The following FAT3 variants were observed in gnomAD, a reference collection of about 807,000 sequenced individuals.
FAT3 encodes FAT atypical cadherin 3.
Under a neutral mutation model 310.2 loss-of-function variants are expected in FAT3, and 95 were observed. The observed-to-expected ratio is 0.31, with a 90% CI of 0.26 to 0.36. The LOEUF (loss-of-function observed/expected upper bound fraction) is 0.36. FAT3 is among the 10% of genes least tolerant of loss of function. FAT3 has a pLI of 1.00. For missense variants in FAT3, 5,408 were observed against 5,715.6 expected (o/e 0.95, Z 1.74); for synonymous variants, 2,314 against 2,192.9 (o/e 1.06, Z -1.54).
chr11:92,805,064 G>C (rs1373521944), intron 10 of FAT3, 89 bp from the exon 11 acceptor site: 1 of 1,327,788 alleles, frequency 7.5e-7, no homozygotes, highest in African/African-American at 1.5e-5. Flanking sequence ...GGAGTACCTG[G>C]ATGACTCCAC....
intron 3 of FAT3, among the ~76,000 whole-genome samples, chr11:92,659,433 T>G (rs1172681277): frequency 6.6e-6 from 1 of 152,206 alleles, no homozygotes; most frequent in Non-Finnish European, 1.5e-5. Context: ...AAAATTACTT[T>G]TTTACTGCTT....
chr11:92,812,474 C>T (rs1356474779), intron 13 of FAT3, among the ~76,000 whole-genome samples: 5 of 151,614 alleles, frequency 3.3e-5, no homozygotes, highest in South Asian at 2.1e-4. Flanking sequence ...CCCAGCTACT[C>T]GGGAAGCTGA....
intron 2 of FAT3, among the ~76,000 whole-genome samples, chr11:92,456,387 A>G (rs1192240860): frequency 2.0e-5 from 3 of 152,208 alleles, no homozygotes; most frequent in Non-Finnish European, 2.9e-5. Flanking sequence ...CATGTATAAC[A>G]TGTAGTCAAA....
chr11:92,704,813 C>G (rs1278913295), intron 4 of FAT3, among the ~76,000 whole-genome samples: 1 of 152,180 alleles, frequency 6.6e-6, no homozygotes, highest in Admixed American at 6.5e-5. Flanking sequence ...AGTAAGCAGC[C>G]AGATTTCATC....
rs564917407 is a variant in FAT3, at chr11:92,789,128, A to G, written c.4336-815A>G. 3.9e-5 allele frequency among the ~76,000 whole-genome samples: 6 copies of G among 152,266 alleles called. No individual in the cohort carries two copies. In the South Asian group the frequency reaches 1.0e-3, roughly 26 times the overall value. ...CTCTTTTCTCTGTTTAGGTGCAGCA[A>G]TGGTATTGTGTGTGTTTGTGTTTAT... On this transcript the variant is annotated intron_variant, in intron 7 of 27. Transcript: ENST00000525166.
chr11:92,251,197 G>T (rs1865123983), intron 1 of FAT3, among the ~76,000 whole-genome samples: 1 of 152,126 alleles, frequency 6.6e-6, no homozygotes, highest in Non-Finnish European at 1.5e-5. Flanking sequence ...TAGATAGTCT[G>T]ATCAGTTTCA....
intron 3 of FAT3, among the ~76,000 whole-genome samples, chr11:92,599,276 C>T (rs1349370746): frequency 1.3e-5 from 2 of 152,078 alleles, no homozygotes; most frequent in East Asian, 3.9e-4. Flanking sequence ...TGGAAGGAAG[C>T]AAACACGTCC....
At chr11:92,362,638 T>C (rs1034924297) in intron 2 of FAT3, among the ~76,000 whole-genome samples, 1 of 152,208 alleles carries the variant, frequency 6.6e-6, no homozygotes. Flanking sequence ...TTTTGTTTTG[T>C]TTTACTTCTT....
intron 15 of FAT3, among the ~76,000 whole-genome samples, chr11:92,835,753 G>T (rs1948390117): frequency 6.6e-6 from 1 of 152,156 alleles, no homozygotes; most frequent in South Asian, 2.1e-4. Context: ...GACACACAGA[G>T]TTGGGCAGCT....
chr11:92,423,428 C>T (rs781146350), intron 2 of FAT3, among the ~76,000 whole-genome samples: 3 of 152,120 alleles, frequency 2.0e-5, no homozygotes, highest in African/African-American at 7.2e-5. Context: ...AAAAGGATCT[C>T]ATTACTTTGG....
Position 92,882,659 on chromosome 11 carries a change from C to T in FAT3, c.12282-79C>T, listed in dbSNP as rs1409472190. 4 of 1,225,472 alleles carry T rather than the reference C, an allele frequency of 3.3e-6. No homozygotes were observed. In the East Asian group the frequency reaches 1.5e-4, roughly 45 times the overall value. 75.9% of individuals were successfully genotyped at this position (1,225,472 alleles called of 1,614,324 possible). On this transcript the variant is annotated intron_variant, in intron 23 of 27. Transcript: ENST00000525166. ...GTGCATCGTTTTCTTTTAAAGATGT[C>T]TGTGTTTTCTCGAGTTCCCGTATAC...
rs1169644230 is a variant in FAT3, at chr11:92,352,246, A to G, written c.134A>G (p.His45Arg). ...GTGPLGFHFT[H>R]SIYNATVYEN... is the part of the protein sequence containing the mutation. ...GGACCCCTGGGCTTCCACTTCACAC[A>G]TTCCATTTATAATGCTACCGTGTAT... The change falls in exon 2 of 28, where the codon CAT becomes CGT. Residue 45 changes from histidine (H) to arginine (R), a missense_variant. His to Arg is a conservative substitution (Grantham distance 29). Coordinates refer to ENST00000525166, the MANE Select transcript of FAT3 (RefSeq NM_001367949.2). 1.4e-6 allele frequency: 2 copies of G among 1,402,502 alleles called. No homozygotes were observed. The highest frequency in any genetic ancestry group is 1.9e-5 in the Admixed American group (1 of 53,560). 86.9% of individuals were successfully genotyped at this position (1,402,502 alleles called of 1,614,324 possible). A position where few individuals can be genotyped will look rare whatever the true frequency, so the allele number is the denominator to read the frequency against.
chr11:92,416,412 A>C (rs1395378477), intron 2 of FAT3, among the ~76,000 whole-genome samples: 1 of 151,950 alleles, frequency 6.6e-6, no homozygotes, highest in African/African-American at 2.4e-5. Flanking sequence ...GAAAGAAAAA[A>C]AACCTTCCAC....
chr11:92,305,872 A>G (rs1461015429), intron 1 of FAT3, among the ~76,000 whole-genome samples: 3 of 152,146 alleles, frequency 2.0e-5, no homozygotes, highest in African/African-American at 7.2e-5. Flanking sequence ...TGAATTCTAG[A>G]CCAGCAGAAG....
chr11:92,597,617 G>A (rs539080618), intron 3 of FAT3, among the ~76,000 whole-genome samples: 6 of 152,052 alleles, frequency 3.9e-5, no homozygotes, highest in Admixed American at 1.3e-4. Flanking sequence ...AGAAAATGTT[G>A]ACCACAGGTA....
chr11:92,280,310 G>T (rs566676652), intron 1 of FAT3, among the ~76,000 whole-genome samples: 1 of 152,238 alleles, frequency 6.6e-6, no homozygotes, highest in Non-Finnish European at 1.5e-5. Flanking sequence ...AATGATTTGA[G>T]AGGCCTGGAT....
At chr11:92,735,534 G>T (rs545023863) in intron 4 of FAT3, among the ~76,000 whole-genome samples, 5 of 151,580 alleles carry the variant, frequency 3.3e-5, no homozygotes, top group African/African-American at 4.8e-5. Context: ...ACAAGTGAAT[G>T]ACTAGAAGGA....
At chr11:92,276,079 C>T (rs903821616) in intron 1 of FAT3, among the ~76,000 whole-genome samples, 2 of 152,136 alleles carry the variant, frequency 1.3e-5, no homozygotes, top group African/African-American at 2.4e-5. Context: ...CTTTTTCTGC[C>T]AAATTGTAGT....
chr11:92,526,431 C>G (rs949772662), intron 3 of FAT3, among the ~76,000 whole-genome samples: 2 of 152,160 alleles, frequency 1.3e-5, no homozygotes, highest in South Asian at 4.1e-4. Context: ...TGAAATACCC[C>G]AGTCAGATTC....
Sources: gnomAD v4.1 joint callset for allele counts (sites outside exome capture counted in the v4.1 genomes callset) on GRCh38, gnomAD v4.1.1 for gene constraint, MANE v1.5 for transcripts, NCBI Gene and HGNC (gene_info 2026-07-23, HGNC 2026-07-21) for gene names.